Variants in PCDH15 observed in about 807,000 individuals in gnomAD.
The protein encoded by PCDH15 is protocadherin-15.
In PCDH15, 129 loss-of-function variants were observed where a neutral mutation model predicts 178.5. The observed-to-expected ratio is 0.72, with a 90% CI of 0.63 to 0.84. The LOEUF (loss-of-function observed/expected upper bound fraction) is 0.84. Ranked by LOEUF, PCDH15 falls within the 40% of genes least tolerant of loss-of-function variation. The pLI, the probability that PCDH15 is intolerant of heterozygous loss-of-function variation, is 0.00. For missense variants in PCDH15, 2,230 were observed against 2,099.9 expected (o/e 1.06, Z -1.21); for synonymous variants, 800 against 732.0 (o/e 1.09, Z -1.50).
chr10:54,505,926 C>T (rs2081129833), intron 3 of PCDH15, among the ~76,000 whole-genome samples: 1 of 151,710 alleles, frequency 6.6e-6, no homozygotes, highest in African/African-American at 2.4e-5. Context: ...ATCTCTCTTC[C>T]TATAGAGTAG....
At chr10:54,146,924 ATATATATATAATGTATATATATAGTG>A (rs2043995722) in intron 14 of PCDH15, among the ~76,000 whole-genome samples, 2 of 73,380 alleles carry the variant, frequency 2.7e-5, no homozygotes, top group African/African-American at 1.0e-4. Context: ...TATATAGTGT[ATATATATATAATGTATATATATAGTG>A]TATATATATA....
At chr10:54,023,865 G>A (rs895490415) in intron 18 of PCDH15, among the ~76,000 whole-genome samples, 1 of 150,920 alleles carries the variant, frequency 6.6e-6, no homozygotes, top group South Asian at 2.1e-4. Flanking sequence ...CAGTGTCCCA[G>A]TTCTTAACAC....
At chr10:53,867,956 C>T (rs546759271) in intron 26 of PCDH15, among the ~76,000 whole-genome samples, 13 of 151,880 alleles carry the variant, frequency 8.6e-5, no homozygotes, top group Non-Finnish European at 1.6e-4. Context: ...AGTTTCCTAC[C>T]ATTTAGAATT....
chr10:55,080,539 T>G (rs1326244667), intron 2 of PCDH15, among the ~76,000 whole-genome samples: 3 of 152,042 alleles, frequency 2.0e-5, no homozygotes, highest in African/African-American at 7.2e-5. Context: ...CCAAATAAGG[T>G]GCCATCTGGG....
chr10:54,269,282 G>A (rs1412579421), intron 8 of PCDH15, among the ~76,000 whole-genome samples: 1 of 151,864 alleles, frequency 6.6e-6, no homozygotes, highest in African/African-American at 2.4e-5. Flanking sequence ...TCTACTGAAT[G>A]AAAGCAATAT....
chr10:54,105,277 GATATATATATATATATATAT>G (rs55696020), intron 15 of PCDH15, among the ~76,000 whole-genome samples: 25 of 90,472 alleles, frequency 2.8e-4, no homozygotes, highest in Non-Finnish European at 4.1e-4. Flanking sequence ...TATAGATGGA[GATATATATATATATATATAT>G]ATATATATAT....
At chr10:54,166,586 G>C (rs1489524720) in intron 13 of PCDH15, among the ~76,000 whole-genome samples, 2 of 152,278 alleles carry the variant, frequency 1.3e-5, no homozygotes, top group Middle Eastern at 3.4e-3. Context: ...TTAAATGTTT[G>C]TTTTTTCCCC....
At chr10:55,024,397 G>A (rs1046025107) in intron 2 of PCDH15, among the ~76,000 whole-genome samples, 6 of 147,394 alleles carry the variant, frequency 4.1e-5, no homozygotes, top group African/African-American at 1.5e-4. Flanking sequence ...ATATACATCT[G>A]AATCAGATTT....
chr10:53,912,533 A>G (rs2083185150), intron 25 of PCDH15, among the ~76,000 whole-genome samples: 1 of 152,248 alleles, frequency 6.6e-6, no homozygotes, highest in Non-Finnish European at 1.5e-5. Flanking sequence ...ATGATTGTAT[A>G]TTTAGAAAAC....
At chr10:54,739,219 A>G (rs1213634732) in intron 1 of PCDH15, among the ~76,000 whole-genome samples, 1 of 152,068 alleles carries the variant, frequency 6.6e-6, no homozygotes. Flanking sequence ...TGAATTCAGT[A>G]AAGTTGCTAC....
intron 13 of PCDH15, among the ~76,000 whole-genome samples, chr10:54,169,653 T>A (rs1415423209): frequency 6.6e-6 from 1 of 151,322 alleles, no homozygotes; most frequent in East Asian, 1.9e-4. Flanking sequence ...CCTACAAGTA[T>A]AAGATACCTC....
At chr10:54,914,001 T>C (rs570221728) in intron 2 of PCDH15, among the ~76,000 whole-genome samples, 2 of 152,288 alleles carry the variant, frequency 1.3e-5, no homozygotes, top group African/African-American at 4.8e-5. Context: ...CCTTGTCTCA[T>C]ATGAGACTTT....
intron 2 of PCDH15, among the ~76,000 whole-genome samples, chr10:54,939,637 T>C (rs1838009081): frequency 6.6e-6 from 1 of 152,076 alleles, no homozygotes; most frequent in African/African-American, 2.4e-5. Flanking sequence ...GAGTCAGTAA[T>C]TTGAGTGTTC....
At position 55,405,160 on chromosome 10, in the gene PCDH15, T is replaced by A. The variant is rs540110298; in HGVS notation, c.-156+222465A>T. Among the ~76,000 whole-genome samples, 4 of 151,474 alleles carry A rather than the reference T, an allele frequency of 2.6e-5. No individual in the cohort carries two copies. In the South Asian group the frequency reaches 8.3e-4, roughly 32 times the overall value. On this transcript the variant is annotated intron_variant, in intron 2 of 5. Transcript: ENST00000613346. ...ATGTTTTGGAAGTACCTACCAAATA[T>A]GTGGATGAATTATGTATTTTCTATA...
At position 55,312,992 on chromosome 10, in the gene PCDH15, T is replaced by C. The variant is rs550616140; in HGVS notation, c.-156+6607A>G. Among the ~76,000 whole-genome samples, 245 of 152,294 alleles carry C rather than the reference T, an allele frequency of 1.6e-3. 1 individual carries two copies. Among genetic ancestry groups the C allele is most frequent in the Middle Eastern group, 6.8e-3 (2 of 294 alleles). Reference sequence around the variant, plus strand: ...TAGCACAGAACTATAGTCCAACATCTAAGAAATAGAATTCTTAAATTCATT... The same window carrying C: ...TAGCACAGAACTATAGTCCAACATCCAAGAAATAGAATTCTTAAATTCATT... On this transcript the variant is annotated intron_variant, in intron 1 of 5. Transcript: ENST00000458638.
chr10:54,376,897 T>G (rs1282064709), intron 4 of PCDH15, among the ~76,000 whole-genome samples: 1 of 151,972 alleles, frequency 6.6e-6, no homozygotes, highest in Non-Finnish European at 1.5e-5. Flanking sequence ...GTACAAAAAT[T>G]TTCACTGCAG....
At chr10:54,376,775 T>C (rs1278976938) in intron 4 of PCDH15, among the ~76,000 whole-genome samples, 3 of 151,886 alleles carry the variant, frequency 2.0e-5, no homozygotes, top group Non-Finnish European at 2.9e-5. Context: ...ATAGGGACAA[T>C]ATATCGAGAG....
intron 8 of PCDH15, among the ~76,000 whole-genome samples, chr10:54,252,712 C>A (rs376073118): frequency 6.6e-6 from 1 of 151,664 alleles, no homozygotes; most frequent in African/African-American, 2.4e-5. Flanking sequence ...TAATTTACAA[C>A]GATTCATATA....
At chr10:54,021,025 GA>G (rs1303579817) in intron 19 of PCDH15, among the ~76,000 whole-genome samples, 4 of 152,104 alleles carry the variant, frequency 2.6e-5, no homozygotes, top group Non-Finnish European at 2.9e-5. Flanking sequence ...GTGCTGTAGA[GA>G]GCACCAAAAT....
Sources: allele counts gnomAD v4.1 joint callset (sites outside exome capture counted in the v4.1 genomes callset), GRCh38; gene constraint gnomAD v4.1.1; transcripts MANE v1.5; gene names NCBI Gene and HGNC (gene_info 2026-07-23, HGNC 2026-07-21).